The following CWC25 variants were observed in gnomAD, a reference collection of about 807,000 sequenced individuals.
CWC25 encodes the protein CWC25 spliceosome associated protein.
A neutral mutation model predicts 54.6 loss-of-function variants in CWC25; 31 were observed. The ratio of observed to expected loss-of-function variants is 0.57; its 90% confidence interval spans 0.43 to 0.77. The LOEUF is 0.77. Ranked by LOEUF, CWC25 falls within the 30% of genes least tolerant of loss-of-function variation. The pLI, the probability that CWC25 is intolerant of heterozygous loss-of-function variation, is 0.00. For missense variants in CWC25, 453 were observed against 529.3 expected, an observed-to-expected ratio of 0.86 and a Z score of 1.41; for synonymous variants, 151 against 187.0, an observed-to-expected ratio of 0.81 and a Z score of 1.57.
intron 6 of CWC25, among the ~76,000 whole-genome samples, chr17:38,808,959 AAAAAATACAG>A (rs1363154277): frequency 6.6e-6 from 1 of 151,318 alleles, no homozygotes; most frequent in African/African-American, 2.4e-5. Flanking sequence ...AAAAAAAAAA[AAAAAATACAG>A]AAATACAGAA....
intron 3 of CWC25, among the ~76,000 whole-genome samples, chr17:38,814,149 C>T (rs962934958): frequency 9.2e-5 from 14 of 152,168 alleles, no homozygotes; most frequent in African/African-American, 3.4e-4. Context: ...GCGTGAGCCA[C>T]TGCTTCCAGC....
At chr17:38,820,869 A>G in intron 2 of CWC25, 32 bp downstream of exon 2, 3 of 1,593,166 alleles carry the variant, frequency 1.9e-6, no homozygotes, top group Non-Finnish European at 2.6e-6. Context: ...GCAATTCCCT[A>G]CACACAAGCG....
intron 3 of CWC25, among the ~76,000 whole-genome samples, chr17:38,813,832 C>T (rs1444728807): frequency 1.3e-5 from 2 of 152,108 alleles, no homozygotes; most frequent in Admixed American, 1.3e-4. Context: ...GTGTGATCCA[C>T]CGTACCCGGC....
chr17:38,822,880 C>G (rs574812561), intron 1 of CWC25, among the ~76,000 whole-genome samples: 4 of 151,160 alleles, frequency 2.6e-5, no homozygotes, highest in African/African-American at 9.7e-5. Context: ...AGATGTCGCC[C>G]AGGCTGGAGT....
intron 2 of CWC25, chr17:38,815,869 C>A: frequency 3.5e-6 from 1 of 286,388 alleles, no homozygotes. Flanking sequence ...AGCGGTAACA[C>A]TACACATTTG....
intron 8 of CWC25, among the ~76,000 whole-genome samples, chr17:38,805,835 CA>C (rs1027293696): frequency 6.7e-6 from 1 of 149,758 alleles, no homozygotes; most frequent in Admixed American, 6.6e-5. Context: ...TTTTTTGAGA[CA>C]AAGTCTTGCA....
At chr17:38,825,060 A>G in intron 1 of CWC25, 106 bp downstream of exon 1, 4 of 1,088,848 alleles carry the variant, frequency 3.7e-6, no homozygotes, top group Non-Finnish European at 5.1e-6. Flanking sequence ...TCCCGGCGAA[A>G]GCAAAGCTGC....
At chr17:38,823,792 G>C (rs1912025512) in intron 1 of CWC25, among the ~76,000 whole-genome samples, 2 of 152,084 alleles carry the variant, frequency 1.3e-5, no homozygotes, top group Non-Finnish European at 1.5e-5. Context: ...GCTCCCCAGG[G>C]AGAAAATCTT....
At chr17:38,823,469 T>TAAA (rs1220000846) in intron 1 of CWC25, among the ~76,000 whole-genome samples, 1 of 139,836 alleles carries the variant, frequency 7.2e-6, no homozygotes, top group Admixed American at 7.2e-5. Flanking sequence ...GACTCCATCT[T>TAAA]AAAAAAAAAA....
At chr17:38,809,587 G>T in intron 6 of CWC25, 115 bp downstream of exon 6, 1 of 858,842 alleles carries the variant, frequency 1.2e-6, no homozygotes, top group Non-Finnish European at 1.8e-6. Flanking sequence ...CGATAAGAAT[G>T]GGCCTGTTTC....
intron 8 of CWC25, among the ~76,000 whole-genome samples, chr17:38,804,799 C>CA (rs4042818): frequency 0.016 from 1,016 of 64,622 alleles, 20 homozygotes; most frequent in African/African-American, 0.031. Flanking sequence ...CAGAGCGAGA[C>CA]AAAAAAAAAA....
intron 1 of CWC25, among the ~76,000 whole-genome samples, chr17:38,822,694 G>T (rs1911970845): frequency 6.6e-6 from 1 of 152,110 alleles, no homozygotes; most frequent in Non-Finnish European, 1.5e-5. Flanking sequence ...TGCAGTCCTG[G>T]TGGTGAGAAA....
intron 1 of CWC25, among the ~76,000 whole-genome samples, chr17:38,824,670 G>A (rs1020949817): frequency 1.4e-5 from 2 of 145,768 alleles, no homozygotes; most frequent in Non-Finnish European, 3.0e-5. Flanking sequence ...TGGGCAACAA[G>A]AAACTCCGTC....
chr17:38,802,689 G>A lies in CWC25; in HGVS notation c.1163+11C>T. 6.2e-7 allele frequency: 1 copy of A among 1,613,772 alleles called. No individual in the cohort carries two copies. Among genetic ancestry groups the A allele is most frequent in the East Asian group, 2.2e-5 (1 of 44,880 alleles). On this transcript the variant is annotated intron_variant, in intron 9 of 9. Coordinates refer to ENST00000614790, the MANE Select transcript of CWC25 (RefSeq NM_017748.5). Reference sequence around the variant, plus strand: ...CCATGAAAGACCCTGGCAGGAAGAAGATGCACTCACTGGATGAACTTCCCA... The same window carrying A: ...CCATGAAAGACCCTGGCAGGAAGAAAATGCACTCACTGGATGAACTTCCCA...
chr17:38,824,218 C>T (rs999036305), intron 1 of CWC25, among the ~76,000 whole-genome samples: 5 of 152,156 alleles, frequency 3.3e-5, no homozygotes, highest in African/African-American at 9.7e-5. Context: ...TACATTTACC[C>T]TATTTGGGGC....
At position 38,802,144 on chromosome 17, in the gene CWC25, T is replaced by TA. The variant is rs1911053181; in HGVS notation, c.1225dup (p.Tyr409LeufsTer64). On this transcript the variant is annotated frameshift_variant, in exon 10 of 10. Transcript: ENST00000614790. LOFTEE classifies it high-confidence loss of function. The stretch of plus-strand genomic sequence containing the variant: ...AGCTACCGAAGTTCTCTGTAAAGAG[T>TA]AGATATTCCGCTTCACCCGATCCTC... 6.2e-7 allele frequency: 1 copy of TA among 1,613,624 alleles called. No homozygotes were observed. Among genetic ancestry groups the TA allele is most frequent in the Non-Finnish European group, 8.5e-7 (1 of 1,179,776 alleles).
intron 9 of CWC25, among the ~76,000 whole-genome samples, 190 bp downstream of exon 9, chr17:38,802,510 A>T (rs569193727): frequency 1.3e-5 from 2 of 152,340 alleles, no homozygotes; most frequent in African/African-American, 4.8e-5. Context: ...AGAAAATACC[A>T]AATTCACTTC....
intron 8 of CWC25, 21 bp from the exon 9 acceptor site, chr17:38,802,882 A>G (rs1266682227): frequency 3.7e-6 from 6 of 1,613,466 alleles, no homozygotes; most frequent in Middle Eastern, 1.6e-4. Context: ...CAGAAACCAT[A>G]CGATCAGGTC....
intron 1 of CWC25, among the ~76,000 whole-genome samples, chr17:38,823,343 A>T (rs1362625334): frequency 6.6e-6 from 1 of 151,056 alleles, no homozygotes; most frequent in Non-Finnish European, 1.5e-5. Flanking sequence ...TATTTTTAGT[A>T]GAGACGGGGT....
Sources: gnomAD v4.1 joint callset for allele counts (sites outside exome capture counted in the v4.1 genomes callset) on GRCh38, gnomAD v4.1.1 for gene constraint, MANE v1.5 for transcripts, NCBI Gene and HGNC (gene_info 2026-07-23, HGNC 2026-07-21) for gene names.